Variants in KIF3B observed in about 807,000 individuals in gnomAD.
The protein encoded by KIF3B is kinesin family member 3B.
A neutral mutation model predicts 74.3 loss-of-function variants in KIF3B; 38 were observed. The ratio of observed to expected loss-of-function variants is 0.51; its 90% CI spans 0.39 to 0.67. KIF3B has a LOEUF of 0.67. Among genes scored for constraint, KIF3B ranks in the 30% least tolerant of loss-of-function variants. The probability of loss-of-function intolerance (pLI) is 0.00; values close to 1 mark genes in which losing one functional copy is unlikely to be tolerated. For missense variants in KIF3B, 649 were observed against 932.0 expected, an observed-to-expected ratio of 0.70 and a Z score of 3.95; for synonymous variants, 326 against 342.5, an observed-to-expected ratio of 0.95 and a Z score of 0.53.
intron 1 of KIF3B, among the ~76,000 whole-genome samples, chr20:32,300,625 G>C (rs1459988396): frequency 1.3e-5 from 2 of 151,904 alleles, no homozygotes; most frequent in Non-Finnish European, 2.9e-5. Flanking sequence ...TGTTCCCCAG[G>C]CTGGTCTTGA....
chr20:32,334,822 C>T lies in KIF3B; in HGVS notation c.*3503C>T, dbSNP rs940482430. On this transcript the variant is annotated 3_prime_UTR_variant, in exon 9 of 9. Transcript: ENST00000375712. ...GCAGGAGGCAGTGGGCTTCATGGCT[C>T]CTTGAAGTTATTACTGATCTTGACC... is the stretch of plus-strand genomic sequence containing the variant. The T allele has an allele frequency of 6.6e-6, 1 of 152,276 alleles. No homozygotes were observed. 9.4% of individuals were successfully genotyped at this position (152,276 alleles called of 1,614,324 possible).
At chr20:32,329,179 A>G (rs555278130) in intron 7 of KIF3B, among the ~76,000 whole-genome samples, 162 of 152,288 alleles carry the variant, frequency 1.1e-3, no homozygotes, top group African/African-American at 3.7e-3. Context: ...GAGTGCTGGG[A>G]TTACAGGCAT....
intron 8 of KIF3B, among the ~76,000 whole-genome samples, chr20:32,330,751 G>T (rs896201538): frequency 1.3e-5 from 2 of 152,130 alleles, no homozygotes; most frequent in African/African-American, 4.8e-5. Context: ...AGCAAGTAAG[G>T]GCCAAAGCAA....
chr20:32,317,837 C>T (rs1243087842), intron 5 of KIF3B, among the ~76,000 whole-genome samples: 1 of 152,056 alleles, frequency 6.6e-6, no homozygotes, highest in African/African-American at 2.4e-5. Flanking sequence ...GATAGAGTCT[C>T]TCTATGTTAC....
intron 1 of KIF3B, among the ~76,000 whole-genome samples, chr20:32,284,821 A>G (rs1426617774): frequency 6.6e-6 from 1 of 152,220 alleles, no homozygotes; most frequent in African/African-American, 2.4e-5. Flanking sequence ...GTCGTAGCTA[A>G]GATACATTAG....
chr20:32,327,767 T>C, intron 7 of KIF3B, 106 bp downstream of exon 7: 1 of 704,098 alleles, frequency 1.4e-6, no homozygotes, highest in Non-Finnish European at 2.4e-6. Context: ...TTTCCAGAGG[T>C]ACTTGAAGAC....
chr20:32,329,873 C>T (rs1347258579), intron 7 of KIF3B, among the ~76,000 whole-genome samples: 1 of 152,030 alleles, frequency 6.6e-6, no homozygotes, highest in Non-Finnish European at 1.5e-5. Flanking sequence ...TCTTGGCAGC[C>T]AGAGCCAAAC....
At chr20:32,304,267 CTATT>C (rs1211543725) in intron 1 of KIF3B, among the ~76,000 whole-genome samples, 11 of 152,320 alleles carry the variant, frequency 7.2e-5, no homozygotes, top group East Asian at 3.9e-4. Flanking sequence ...TTGATGCTGT[CTATT>C]TATTAAGCCA....
chr20:32,304,464 C>T (rs1476386804), intron 1 of KIF3B, among the ~76,000 whole-genome samples: 1 of 152,192 alleles, frequency 6.6e-6, no homozygotes, highest in African/African-American at 2.4e-5. Flanking sequence ...TTGATGCTTA[C>T]AGATACACTT....
chr20:32,308,938 A>C (rs1336274823), intron 1 of KIF3B, among the ~76,000 whole-genome samples: 1 of 143,792 alleles, frequency 7.0e-6, no homozygotes, highest in Non-Finnish European at 1.5e-5. Context: ...GATAGTCTCG[A>C]TCTCCTGACC....
rs1307334079 is a variant in KIF3B at position 32,322,758 on chromosome 20, T to TTA, written c.1749-4005_1749-4004dup. Among the ~76,000 whole-genome samples, 9 of 42,648 alleles carry TTA rather than the reference T, an allele frequency of 2.1e-4. 3 individuals carry two copies. The highest frequency in any genetic ancestry group is 1.1e-3 in the African/African-American group (9 of 8,474). The allele number at this position is 42,648 out of a possible 152,430, so 28.0% of individuals were successfully genotyped here. The stretch of plus-strand genomic sequence containing the variant: ...TATATATATTTATTTATATATATAT[T>TTA]TATATATATTTATATATATATTTAT... On this transcript the variant is annotated intron_variant, in intron 5 of 8. Coordinates refer to ENST00000375712, the MANE Select transcript of KIF3B (RefSeq NM_004798.4).
chr20:32,295,332 G>A (rs894369460), intron 1 of KIF3B, among the ~76,000 whole-genome samples: 22 of 150,504 alleles, frequency 1.5e-4, no homozygotes, highest in East Asian at 9.8e-4. Context: ...TCGCTCTGTC[G>A]CCCAGGCTGG....
chr20:32,315,187 A>G (rs1321291499), intron 2 of KIF3B, among the ~76,000 whole-genome samples: 2 of 152,146 alleles, frequency 1.3e-5, no homozygotes, highest in African/African-American at 4.8e-5. Context: ...TAAAACACAC[A>G]TCTGATTGTG....
At chr20:32,315,118 G>A (rs1328733073) in intron 2 of KIF3B, among the ~76,000 whole-genome samples, 1 of 152,180 alleles carries the variant, frequency 6.6e-6, no homozygotes, top group African/African-American at 2.4e-5. Flanking sequence ...TTCCTGTCAT[G>A]TCTCCCTCCA....
Position 32,310,366 on chromosome 20 carries a change from G to A in KIF3B, c.589G>A (p.Gly197Arg). 1 of 1,614,194 alleles carries A rather than the reference G, an allele frequency of 6.2e-7. No individual in the cohort carries two copies. The highest frequency in any genetic ancestry group is 8.5e-7 in the Non-Finnish European group (1 of 1,180,030). Residue 197 changes from glycine to arginine, a missense_variant, in exon 2 of 9, where the codon GGG becomes AGG. Around this residue, in one of 4 missense-constraint regions of KIF3B, gnomAD observed 363 missense variants for 592.8 expected, o/e 0.61. Transcript: ENST00000375712. The surrounding 1 kb of genome is among the most constrained non-coding windows in gnomAD (Gnocchi z 6.5). ...VKEIEHVMNV[G>R]NQNRSVGATN... ...GGAGATAGAGCATGTGATGAATGTG[G>A]GGAACCAGAACCGTTCTGTCGGTGC...
chr20:32,316,313 A>G lies in KIF3B; in HGVS notation c.1500A>G (p.Ala500=), dbSNP rs1274107150. The change falls in exon 3 of 9, where the codon GCA becomes GCG. Residue 500 remains alanine, a synonymous_variant. Transcript: ENST00000375712. ...TGGAGCAGAAACGACAGGAAATTGC[A>G]GAGCAGGTAACTTTTCATTCTTTTT... ...KILEQKRQEI[A]EQKRREREIQ... 3 of 1,609,764 alleles carry G rather than the reference A, an allele frequency of 1.9e-6. No homozygotes were observed. In the Admixed American group the frequency reaches 5.0e-5, roughly 27 times the overall value.
At position 32,310,891 on chromosome 20, in the gene KIF3B, C is replaced by T. The variant is rs764625114; in HGVS notation, c.1114C>T (p.Arg372Trp). The T allele has an allele frequency of 4.4e-6, 7 of 1,573,546 alleles. No homozygotes were observed. Among genetic ancestry groups the T allele is most frequent in the Non-Finnish European group, 3.5e-6 (4 of 1,156,270 alleles). Residue 372 changes from arginine to tryptophan, a missense_variant, in exon 2 of 9, where the codon CGG becomes TGG. Physicochemically the swap from Arg to Trp is moderately radical, Grantham distance 101. Coordinates refer to ENST00000375712, the MANE Select transcript of KIF3B (RefSeq NM_004798.4). The surrounding 1 kb of genome is among the most constrained non-coding windows in gnomAD (Gnocchi z 6.5). ...IARLKAQLEK[R>W]SIGRRKRREK... The stretch of plus-strand genomic sequence containing the variant: ...TCGGCTCAAGGCCCAGCTGGAAAAA[C>T]GGTCCATTGGTAGGAGGAAGAGGCG...
chr20:32,303,233 AT>A (rs971392293), intron 1 of KIF3B, among the ~76,000 whole-genome samples: 6 of 151,942 alleles, frequency 3.9e-5, no homozygotes, highest in East Asian at 1.9e-4. Flanking sequence ...TTTAATCTGA[AT>A]TTTTTTTAGG....
intron 1 of KIF3B, among the ~76,000 whole-genome samples, chr20:32,303,857 CAA>C (rs33920293): frequency 0.38 from 45,850 of 120,358 alleles, 6,755 homozygotes; most frequent in East Asian, 0.68. Flanking sequence ...CTCAGTCTCA[CAA>C]AAAAAAAAAA....
Sources: allele counts gnomAD v4.1 joint callset (sites outside exome capture counted in the v4.1 genomes callset), GRCh38; gene constraint gnomAD v4.1.1; regional missense constraint gnomAD v4.1.1; non-coding constraint Gnocchi (gnomAD v3.1); transcripts MANE v1.5; gene names NCBI Gene and HGNC (gene_info 2026-07-23, HGNC 2026-07-21).